The following IYD variants were observed in gnomAD, a reference collection of about 807,000 sequenced individuals.
The protein encoded by IYD is iodotyrosine deiodinase.
IYD carries 25 observed loss-of-function variants against 28.4 expected under a neutral mutation model. The observed-to-expected ratio is 0.88, with a 90% CI of 0.64 to 1.23. The LOEUF (loss-of-function observed/expected upper bound fraction) is 1.23. IYD is among the 50% of genes most tolerant of loss of function. The pLI is 0.00. For missense variants in IYD, 352 were observed against 357.9 expected, an observed-to-expected ratio of 0.98 and a Z score of 0.13; for synonymous variants, 140 against 130.8, an observed-to-expected ratio of 1.07 and a Z score of -0.48.
At chr6:150,397,930 C>T in intron 4 of IYD, 125 bp from the exon 5 acceptor site, 1 of 966,790 alleles carries the variant, frequency 1.0e-6, no homozygotes, top group South Asian at 1.4e-5. Context: ...AGCCTCTTTG[C>T]TGCCCAACTT....
At chr6:150,370,241 G>A (rs1777177778) in intron 1 of IYD, among the ~76,000 whole-genome samples, 1 of 147,634 alleles carries the variant, frequency 6.8e-6, no homozygotes, top group Non-Finnish European at 1.5e-5. Context: ...GTGTGTGCAT[G>A]AGAGTGGATG....
At chr6:150,382,596 A>G (rs556338096) in intron 1 of IYD, among the ~76,000 whole-genome samples, 58 of 152,116 alleles carry the variant, frequency 3.8e-4, no homozygotes, top group Non-Finnish European at 6.5e-4. Flanking sequence ...AAATGGTTAG[A>G]CCTTCTCACT....
intron 1 of IYD, among the ~76,000 whole-genome samples, chr6:150,383,543 T>G (rs1562314805): frequency 6.6e-6 from 1 of 152,216 alleles, no homozygotes; most frequent in Non-Finnish European, 1.5e-5. Context: ...TTTGGTTTTC[T>G]AGCTTGCGGC....
chr6:150,386,607 T>C (rs1178861119), intron 1 of IYD, among the ~76,000 whole-genome samples: 1 of 152,176 alleles, frequency 6.6e-6, no homozygotes, highest in Non-Finnish European at 1.5e-5. Context: ...TATTCTATCA[T>C]TACCGAAAGA....
intron 1 of IYD, among the ~76,000 whole-genome samples, chr6:150,376,862 T>A (rs759638270): frequency 1.1e-4 from 17 of 152,078 alleles, no homozygotes; most frequent in Non-Finnish European, 2.2e-4. Flanking sequence ...GCTCAAGCAA[T>A]CCTCCTACCT....
chr6:150,393,007 C>T (rs897182220), intron 3 of IYD, among the ~76,000 whole-genome samples: 2 of 151,904 alleles, frequency 1.3e-5, no homozygotes, highest in Non-Finnish European at 1.5e-5. Flanking sequence ...CTCCGGGCGC[C>T]GAAGCACAGT....
intron 1 of IYD, among the ~76,000 whole-genome samples, chr6:150,372,699 G>A (rs1777309349): frequency 8.2e-6 from 1 of 122,032 alleles, no homozygotes; most frequent in African/African-American, 3.4e-5. Flanking sequence ...TGTGTGTGGG[G>A]GTGTGTTGGG....
intron 1 of IYD, chr6:150,370,365 GTGTGTGAGCATGCATGAGTT>G: frequency 1.1e-5 from 4 of 354,670 alleles, no homozygotes; most frequent in Non-Finnish European, 1.6e-5. Flanking sequence ...GTGCATGAGT[GTGTGTGAGCATGCATGAGTT>G]TGTGTGTGCA....
rs1778496656 is a variant in IYD, at chr6:150,401,053, G to C, written c.*2816G>C. 1.3e-5 allele frequency: 2 copies of C among 152,196 alleles called. No individual in the cohort carries two copies. The highest frequency in any genetic ancestry group is 4.8e-5 in the African/African-American group (2 of 41,440). The allele number at this position is 152,196 out of a possible 1,614,324, so 9.4% of individuals were successfully genotyped here. The stretch of plus-strand genomic sequence containing the variant: ...AGGTGTGTGTATAGGTGTGTGTTTG[G>C]AGAGTGTGAGCGAGAACTAACATGG... On this transcript the variant is annotated 3_prime_UTR_variant, in exon 5 of 5. Transcript: ENST00000344419.
chr6:150,382,128 C>T (rs1214940577), intron 1 of IYD, among the ~76,000 whole-genome samples: 2 of 152,178 alleles, frequency 1.3e-5, no homozygotes, highest in African/African-American at 4.8e-5. Flanking sequence ...ATAGCTATCT[C>T]TCCCGAGATC....
chr6:150,377,027 G>T (rs1368665567), intron 1 of IYD, among the ~76,000 whole-genome samples: 1 of 152,154 alleles, frequency 6.6e-6, no homozygotes, highest in Non-Finnish European at 1.5e-5. Context: ...CCAGAGACCA[G>T]GCAGGTCAGA....
intron 1 of IYD, among the ~76,000 whole-genome samples, chr6:150,379,270 C>T (rs183333081): frequency 5.1e-4 from 78 of 152,248 alleles, no homozygotes; most frequent in African/African-American, 1.3e-3. Context: ...TAAGGTGTTT[C>T]GAGAATCTGC....
chr6:150,381,612 G>A (rs1777650877), intron 1 of IYD, among the ~76,000 whole-genome samples: 1 of 152,126 alleles, frequency 6.6e-6, no homozygotes, highest in South Asian at 2.1e-4. Context: ...TCCTTCCCCA[G>A]TCACAACCTC....
At chr6:150,393,962 A>C in intron 3 of IYD, 137 bp from the exon 4 acceptor site, 1 of 943,472 alleles carries the variant, frequency 1.1e-6, no homozygotes, top group Non-Finnish European at 1.6e-6. Flanking sequence ...AGACAAAAAC[A>C]AAAATTCTGC....
chr6:150,379,243 C>A (rs1022193734), intron 1 of IYD, among the ~76,000 whole-genome samples: 1 of 152,186 alleles, frequency 6.6e-6, no homozygotes, highest in African/African-American at 2.4e-5. Flanking sequence ...GTTAGCCAGT[C>A]TTTCGATTTC....
rs1298790287 is a variant in IYD at position 150,399,486 on chromosome 6, C to A, written c.*1249C>A. The A allele has an allele frequency of 6.6e-6, 1 of 152,230 alleles. No individual in the cohort carries two copies. The highest frequency in any genetic ancestry group is 6.5e-5 in the Admixed American group (1 of 15,284). 9.4% of individuals were successfully genotyped at this position (152,230 alleles called of 1,614,324 possible). On this transcript the variant is annotated 3_prime_UTR_variant, in exon 5 of 5. Coordinates refer to ENST00000344419, the MANE Select transcript of IYD (RefSeq NM_203395.3). Reference sequence around the variant, plus strand: ...GTCTTCACCCATCACCTTCTGTCGTCCTCCCAGGGGTGTCATATTTACAGA... The same window carrying A: ...GTCTTCACCCATCACCTTCTGTCGTACTCCCAGGGGTGTCATATTTACAGA...
At chr6:150,396,437 G>A (rs1224545986) in intron 4 of IYD, 1 of 679,030 alleles carries the variant, frequency 1.5e-6, no homozygotes. Context: ...ATATTAATAA[G>A]AGGAATTGTT....
intron 4 of IYD, among the ~76,000 whole-genome samples, chr6:150,394,681 A>T (rs1345988091): frequency 6.6e-6 from 1 of 152,226 alleles, no homozygotes; most frequent in Non-Finnish European, 1.5e-5. Context: ...GCATGGCATT[A>T]GGAAGAAGGT....
At chr6:150,377,391 C>A (rs954772965) in intron 1 of IYD, among the ~76,000 whole-genome samples, 11 of 152,210 alleles carry the variant, frequency 7.2e-5, no homozygotes, top group Non-Finnish European at 1.6e-4. Flanking sequence ...TGGAAGCTCA[C>A]TGTGCTCCTA....
Sources: allele counts gnomAD v4.1 joint callset (sites outside exome capture counted in the v4.1 genomes callset), GRCh38; gene constraint gnomAD v4.1.1; transcripts MANE v1.5; gene names NCBI Gene and HGNC (gene_info 2026-07-23, HGNC 2026-07-21).